MAGI2: variants seen among roughly 807,000 people sequenced by gnomAD.
MAGI2 encodes the protein membrane-associated guanylate kinase, WW and PDZ domain-containing protein 2.
A neutral mutation model predicts 133.3 loss-of-function variants in MAGI2; 35 were observed. The ratio of observed to expected loss-of-function variants is 0.26; its 90% CI spans 0.20 to 0.35. The LOEUF (loss-of-function observed/expected upper bound fraction) is 0.35, where lower values mean the gene tolerates loss of function less well. Among genes scored for constraint, MAGI2 ranks in the 10% least tolerant of loss-of-function variants. The pLI, the probability that MAGI2 is intolerant of heterozygous loss-of-function variation, is 1.00. For missense variants in MAGI2, 1,636 were observed against 1,863.4 expected (o/e 0.88, Z 2.25); for synonymous variants, 729 against 710.6 (o/e 1.03, Z -0.41).
rs1385517709 is a variant in MAGI2 at position 78,497,766 on chromosome 7, T to TCTATCTATCTA, written c.965+3810_965+3811insTAGATAGATAG. Among the ~76,000 whole-genome samples the TCTATCTATCTA allele has an allele frequency of 6.1e-3, 824 of 135,404 alleles. 6 individuals are homozygous for TCTATCTATCTA. The highest frequency in any genetic ancestry group is 0.011 in the African/African-American group (410 of 37,526). The allele number at this position is 135,404 out of a possible 152,430, so 88.8% of individuals were successfully genotyped here. A position where few individuals can be genotyped will look rare whatever the true frequency, so the allele number is the denominator to read the frequency against. On this transcript the variant is annotated intron_variant, in intron 5 of 21. Transcript: ENST00000354212. ...TATCTATCTATCTATCTATCTATCTTTCTATCTTATACACAGAACCAAAGA... is the reference window on the plus strand; with the variant it reads ...TATCTATCTATCTATCTATCTATCTTCTATCTATCTATCTATCTTATACACAGAACCAAAGA...
chr7:78,948,616 C>T (rs1242497601), intron 2 of MAGI2, among the ~76,000 whole-genome samples: 1 of 151,992 alleles, frequency 6.6e-6, no homozygotes, highest in Non-Finnish European at 1.5e-5. Context: ...TATAGAACGA[C>T]ATTAGGCAGA....
chr7:78,935,782 C>A (rs968685884), intron 2 of MAGI2, among the ~76,000 whole-genome samples: 4 of 152,036 alleles, frequency 2.6e-5, no homozygotes, highest in Non-Finnish European at 5.9e-5. Context: ...TCTCTGTAAA[C>A]TGTAAAGTTA....
intron 3 of MAGI2, among the ~76,000 whole-genome samples, chr7:78,545,212 CTTTTTT>C (rs71085537): frequency 7.2e-5 from 6 of 83,130 alleles, no homozygotes; most frequent in Non-Finnish European, 6.7e-5. Flanking sequence ...TAACCTGATT[CTTTTTT>C]TTTTTTTTTT....
intron 2 of MAGI2, among the ~76,000 whole-genome samples, chr7:78,755,066 A>G (rs1437581457): frequency 6.6e-6 from 1 of 152,232 alleles, no homozygotes; most frequent in African/African-American, 2.4e-5. Context: ...AGGCCAAAGT[A>G]ATATCATTTA....
At chr7:78,626,979 T>A (rs1011045962) in intron 3 of MAGI2, 141 bp downstream of exon 3, 8 of 629,888 alleles carry the variant, frequency 1.3e-5, no homozygotes, top group African/African-American at 1.1e-4. Context: ...TTAACTTTTT[T>A]AGGATACATT....
chr7:78,254,792 A>G (rs1194859313), intron 10 of MAGI2: 4 of 152,332 alleles, frequency 2.6e-5, no homozygotes, highest in African/African-American at 9.6e-5. Flanking sequence ...TGAATAGGCA[A>G]CCACATGTTT....
At chr7:78,970,796 A>G (rs2115973224) in intron 2 of MAGI2, among the ~76,000 whole-genome samples, 1 of 152,188 alleles carries the variant, frequency 6.6e-6, no homozygotes, top group Admixed American at 6.5e-5. Context: ...GGATATAACA[A>G]AGGAGTCACA....
chr7:79,216,384 C>T (rs1217286181), intron 1 of MAGI2, among the ~76,000 whole-genome samples: 1 of 151,896 alleles, frequency 6.6e-6, no homozygotes, highest in Non-Finnish European at 1.5e-5. Flanking sequence ...TTCCTGGATG[C>T]CAGACAAGGG....
At chr7:79,407,846 A>G (rs1235741812) in intron 1 of MAGI2, among the ~76,000 whole-genome samples, 1 of 152,064 alleles carries the variant, frequency 6.6e-6, no homozygotes, top group Non-Finnish European at 1.5e-5. Context: ...TTGGGTTTTC[A>G]TTTATACATA....
At chr7:78,821,663 T>C (rs1040194523) in intron 2 of MAGI2, among the ~76,000 whole-genome samples, 4 of 152,026 alleles carry the variant, frequency 2.6e-5, no homozygotes, top group African/African-American at 9.7e-5. Flanking sequence ...TAAAGTGTAG[T>C]TTAATATAAA....
chr7:78,603,050 A>T (rs1295375464), intron 3 of MAGI2, among the ~76,000 whole-genome samples: 1 of 152,160 alleles, frequency 6.6e-6, no homozygotes, highest in Non-Finnish European at 1.5e-5. Context: ...TAAAAAAGCA[A>T]TTCTGGGCAC....
intron 2 of MAGI2, among the ~76,000 whole-genome samples, chr7:78,908,100 T>G (rs1055404624): frequency 2.6e-5 from 4 of 152,112 alleles, no homozygotes; most frequent in African/African-American, 9.7e-5. Context: ...TTTGAGAGAC[T>G]TGGTTTGGTT....
intron 2 of MAGI2, among the ~76,000 whole-genome samples, chr7:78,816,104 C>T (rs1249093778): frequency 6.6e-6 from 1 of 152,120 alleles, no homozygotes; most frequent in Non-Finnish European, 1.5e-5. Context: ...AGCAAAACAC[C>T]TTAAGTGCCA....
At chr7:78,275,552 C>A (rs1446045507) in intron 9 of MAGI2, among the ~76,000 whole-genome samples, 3 of 151,972 alleles carry the variant, frequency 2.0e-5, no homozygotes, top group African/African-American at 7.3e-5. Context: ...CTAAAGCAAG[C>A]AAATGAGAAG....
At chr7:78,634,368 T>A (rs565136190) in intron 2 of MAGI2, among the ~76,000 whole-genome samples, 53 of 152,340 alleles carry the variant, frequency 3.5e-4, no homozygotes, top group African/African-American at 1.3e-3. Context: ...CATTTAATTT[T>A]ACCTGCAGGC....
intron 3 of MAGI2, among the ~76,000 whole-genome samples, chr7:78,569,708 T>C (rs1161014095): frequency 1.3e-5 from 2 of 152,204 alleles, no homozygotes; most frequent in African/African-American, 2.4e-5. Context: ...TTATTAAGCA[T>C]ACAATTTGAC....
intron 10 of MAGI2, among the ~76,000 whole-genome samples, chr7:78,221,837 T>C (rs1339887601): frequency 6.6e-6 from 1 of 151,414 alleles, no homozygotes; most frequent in East Asian, 2.0e-4. Context: ...CTTGTCTCTA[T>C]ATTGCCTAGG....
intron 10 of MAGI2, among the ~76,000 whole-genome samples, chr7:78,226,792 G>A (rs1239827896): frequency 6.6e-6 from 1 of 152,180 alleles, no homozygotes; most frequent in African/African-American, 2.4e-5. Context: ...GGCTTCTCAA[G>A]GAAGAAACTG....
chr7:78,467,761 A>G (rs1410571499), intron 6 of MAGI2, among the ~76,000 whole-genome samples: 3 of 152,140 alleles, frequency 2.0e-5, no homozygotes, highest in Non-Finnish European at 4.4e-5. Context: ...TACTATAATA[A>G]CATTTTTAAT....
Sources: gnomAD v4.1 joint callset for allele counts (sites outside exome capture counted in the v4.1 genomes callset) on GRCh38, gnomAD v4.1.1 for gene constraint, MANE v1.5 for transcripts, NCBI Gene and HGNC (gene_info 2026-07-23, HGNC 2026-07-21) for gene names.